ZFPM2: variants seen among roughly 807,000 people sequenced by gnomAD.
The protein encoded by ZFPM2 is zinc finger protein ZFPM2.
ZFPM2 carries 20 observed loss-of-function variants against 98.6 expected under a neutral mutation model. That is an observed-to-expected ratio of 0.20 (90% CI 0.14 to 0.29). The LOEUF (loss-of-function observed/expected upper bound fraction) is 0.29. Ranked by LOEUF, ZFPM2 falls within the 10% of genes least tolerant of loss-of-function variation. ZFPM2 has a pLI of 1.00. For missense variants in ZFPM2, 1,310 were observed against 1,388.6 expected (o/e 0.94, Z 0.90); for synonymous variants, 518 against 502.7 (o/e 1.03, Z -0.41).
intron 2 of ZFPM2, among the ~76,000 whole-genome samples, chr8:105,441,103 C>T (rs1482889025): frequency 1.3e-5 from 2 of 151,894 alleles, no homozygotes; most frequent in Admixed American, 1.3e-4. Flanking sequence ...TGCAGTGAGC[C>T]GAGATCGCAC....
chr8:105,366,043 T>G (rs1439140343), intron 1 of ZFPM2, among the ~76,000 whole-genome samples: 3 of 152,214 alleles, frequency 2.0e-5, no homozygotes, highest in African/African-American at 7.2e-5. Context: ...AATAATTCAC[T>G]GCTGATGGAT....
intron 5 of ZFPM2, among the ~76,000 whole-genome samples, chr8:105,650,400 A>G (rs1244705981): frequency 7.3e-5 from 11 of 151,632 alleles, no homozygotes; most frequent in Non-Finnish European, 1.5e-4. Context: ...GATCTTAGTT[A>G]TTTCTTGCCT....
intron 5 of ZFPM2, among the ~76,000 whole-genome samples, chr8:105,641,798 A>G (rs1156634540): frequency 1.3e-5 from 2 of 152,056 alleles, no homozygotes; most frequent in Non-Finnish European, 2.9e-5. Flanking sequence ...AGTTTCCTTA[A>G]TGAAATGTTG....
chr8:105,373,045 A>G (rs1810655316), intron 1 of ZFPM2, among the ~76,000 whole-genome samples: 1 of 152,220 alleles, frequency 6.6e-6, no homozygotes, highest in South Asian at 2.1e-4. Flanking sequence ...GGTTTTAGAT[A>G]TAAGATTTCT....
chr8:105,801,597 A>G lies in ZFPM2; in HGVS notation c.1515A>G (p.Gln505=), dbSNP rs1214686520. Residue 505 remains glutamine, a synonymous_variant, in exon 8 of 8, where the codon CAA becomes CAG. Coordinates refer to ENST00000407775, the MANE Select transcript of ZFPM2 (RefSeq NM_012082.4). ...GPFLSQFSFP[Q]DITMVPQASE... The stretch of plus-strand genomic sequence containing the variant: ...TCCTATCTCAGTTTTCTTTCCCCCA[A>G]GATATCACCATGGTCCCTCAAGCTT... 3.7e-6 allele frequency: 6 copies of G among 1,613,658 alleles called. No individual in the cohort carries two copies. Among genetic ancestry groups the G allele is most frequent in the African/African-American group, 1.3e-5 (1 of 74,864 alleles).
At chr8:105,344,728 G>A (rs1349132032) in intron 1 of ZFPM2, among the ~76,000 whole-genome samples, 2 of 151,706 alleles carry the variant, frequency 1.3e-5, no homozygotes, top group African/African-American at 4.8e-5. Flanking sequence ...TTATATATAT[G>A]CTATGATTCT....
chr8:105,487,935 TAGCTAG>T (rs1563681475), intron 3 of ZFPM2, among the ~76,000 whole-genome samples: 50,072 of 142,440 alleles, frequency 0.35, 8,881 homozygotes, highest in Non-Finnish European at 0.4. Flanking sequence ...TCTATCTAGC[TAGCTAG>T]CTAGCTAGCT....
At chr8:105,698,645 A>G (rs1189759992) in intron 5 of ZFPM2, among the ~76,000 whole-genome samples, 13 of 152,206 alleles carry the variant, frequency 8.5e-5, no homozygotes, top group Non-Finnish European at 1.9e-4. Context: ...CTTTTAGACG[A>G]ACAAAGTTCA....
At chr8:105,467,138 T>A (rs1812810429) in intron 3 of ZFPM2, among the ~76,000 whole-genome samples, 2 of 152,034 alleles carry the variant, frequency 1.3e-5, no homozygotes, top group African/African-American at 4.8e-5. Context: ...CCTCACCTCT[T>A]AACATTGAAG....
chr8:105,648,760 A>T (rs1817107020), intron 5 of ZFPM2, among the ~76,000 whole-genome samples: 1 of 152,156 alleles, frequency 6.6e-6, no homozygotes. Context: ...TACCAGTACC[A>T]TGCTGTTTTG....
intron 4 of ZFPM2, among the ~76,000 whole-genome samples, chr8:105,613,497 A>G (rs1249462651): frequency 6.6e-6 from 1 of 152,182 alleles, no homozygotes; most frequent in Non-Finnish European, 1.5e-5. Flanking sequence ...TTTGCAAAGG[A>G]AGAATGTTGA....
chr8:105,575,080 A>G (rs1009303104), intron 4 of ZFPM2, among the ~76,000 whole-genome samples: 32 of 152,178 alleles, frequency 2.1e-4, no homozygotes, highest in African/African-American at 7.5e-4. Flanking sequence ...TGTGAAAATG[A>G]CAACTCTTCA....
At chr8:105,446,353 A>T (rs1016257535) in intron 3 of ZFPM2, among the ~76,000 whole-genome samples, 1 of 152,136 alleles carries the variant, frequency 6.6e-6, no homozygotes, top group Non-Finnish European at 1.5e-5. Flanking sequence ...TGATGGGGAA[A>T]ATTTGTAGGG....
chr8:105,568,974 C>T (rs903503525), intron 4 of ZFPM2, among the ~76,000 whole-genome samples: 10 of 152,030 alleles, frequency 6.6e-5, no homozygotes, highest in African/African-American at 2.4e-4. Context: ...CTGGAAACCC[C>T]TATTCCCCCC....
rs745754426 is a variant in ZFPM2, at chr8:105,803,493, C to T, written c.3411C>T (p.His1137=). Residue 1137 remains histidine (H), a synonymous_variant, in exon 8 of 8, where the codon CAC becomes CAT. Coordinates refer to ENST00000407775, the MANE Select transcript of ZFPM2 (RefSeq NM_012082.4). ...ACAACCTTTCAAACTTTATAACTCACAAGAAGTTTTATTGCTCATCACATG... is the reference window on the plus strand; with the variant it reads ...ACAACCTTTCAAACTTTATAACTCATAAGAAGTTTTATTGCTCATCACATG... ...QFNNLSNFIT[H]KKFYCSSHAA... The T allele has an allele frequency of 2.5e-6, 4 of 1,612,566 alleles. No individual in the cohort carries two copies. Among genetic ancestry groups the T allele is most frequent in the African/African-American group, 1.3e-5 (1 of 74,996 alleles).
chr8:105,339,442 A>G (rs1472583523), intron 1 of ZFPM2, among the ~76,000 whole-genome samples: 1 of 151,930 alleles, frequency 6.6e-6, no homozygotes, highest in Non-Finnish European at 1.5e-5. Context: ...AAAATGAACT[A>G]CACTACCCTT....
chr8:105,463,652 T>G (rs1294542751), intron 3 of ZFPM2, among the ~76,000 whole-genome samples: 5 of 152,112 alleles, frequency 3.3e-5, no homozygotes, highest in Non-Finnish European at 4.4e-5. Context: ...TCTTCATGTG[T>G]GGGTGAAGTG....
At chr8:105,530,402 C>G (rs948718950) in intron 3 of ZFPM2, among the ~76,000 whole-genome samples, 1 of 152,054 alleles carries the variant, frequency 6.6e-6, no homozygotes. Context: ...TTCTGGCGGC[C>G]GTAACTAAAG....
intron 2 of ZFPM2, among the ~76,000 whole-genome samples, chr8:105,436,745 C>T (rs1812126940): frequency 2.0e-5 from 3 of 152,118 alleles, no homozygotes; most frequent in African/African-American, 7.2e-5. Context: ...TTCCACATCT[C>T]TCCCCCTTGG....
Sources: gnomAD v4.1 joint callset for allele counts (sites outside exome capture counted in the v4.1 genomes callset) on GRCh38, gnomAD v4.1.1 for gene constraint, MANE v1.5 for transcripts, NCBI Gene and HGNC (gene_info 2026-07-23, HGNC 2026-07-21) for gene names.